Variants in RABGAP1L observed in about 807,000 individuals in gnomAD.
RABGAP1L encodes the protein RAB GTPase activating protein 1 like.
RABGAP1L carries 63 observed loss-of-function variants against 137.7 expected under a neutral mutation model. The ratio of observed to expected loss-of-function variants is 0.46; its 90% confidence interval spans 0.37 to 0.56. The LOEUF (loss-of-function observed/expected upper bound fraction) is 0.56, where lower values mean the gene tolerates loss of function less well. RABGAP1L is among the 20% of genes least tolerant of loss of function. The pLI is 0.00. For synonymous variants in RABGAP1L, 431 were observed against 433.7 expected (o/e 0.99, Z 0.08); for missense variants, 1,095 against 1,244.0 (o/e 0.88, Z 1.80).
chr1:174,285,355 C>T (rs1288015328), intron 10 of RABGAP1L, among the ~76,000 whole-genome samples: 1 of 152,102 alleles, frequency 6.6e-6, no homozygotes, highest in East Asian at 1.9e-4. Flanking sequence ...CTTTCACTGC[C>T]TTGGTTAAAT....
chr1:174,489,985 T>C (rs1377842475), intron 13 of RABGAP1L, among the ~76,000 whole-genome samples: 1 of 152,124 alleles, frequency 6.6e-6, no homozygotes, highest in Non-Finnish European at 1.5e-5. Flanking sequence ...GAATTCCTTC[T>C]CTGAGTTATC....
intron 11 of RABGAP1L, among the ~76,000 whole-genome samples, chr1:174,363,444 A>G (rs2148971257): frequency 6.6e-6 from 1 of 151,968 alleles, no homozygotes; most frequent in African/African-American, 2.4e-5. Context: ...TTGTTTTTTC[A>G]TCTCTGATTT....
At chr1:174,264,095 T>C (rs1248907110) in intron 7 of RABGAP1L, among the ~76,000 whole-genome samples, 1 of 152,024 alleles carries the variant, frequency 6.6e-6, no homozygotes, top group African/African-American at 2.4e-5. Flanking sequence ...CTTTAAGCAA[T>C]TAATTAAAAG....
At chr1:174,565,686 G>C (rs1422853407) in intron 13 of RABGAP1L, among the ~76,000 whole-genome samples, 1 of 152,122 alleles carries the variant, frequency 6.6e-6, no homozygotes, top group Non-Finnish European at 1.5e-5. Flanking sequence ...ACAAAGTTGT[G>C]CTGGTTTGTA....
intron 11 of RABGAP1L, among the ~76,000 whole-genome samples, chr1:174,346,896 C>G (rs1462877252): frequency 6.6e-6 from 1 of 151,822 alleles, no homozygotes; most frequent in Non-Finnish European, 1.5e-5. Context: ...TTTGCTGTAT[C>G]CCATAGGTTT....
Position 174,505,718 on chromosome 1 carries a change from A to G in RABGAP1L, c.1710+111573A>G, listed in dbSNP as rs541958008. On this transcript the variant is annotated intron_variant, in intron 13 of 25. Coordinates refer to ENST00000681986, the MANE Select transcript of RABGAP1L (RefSeq NM_001366446.1). ...GTTGGTGGGAATATAAATTGGTACA[A>G]CCATTATGGAAAACAGCATGGATGT... Among the ~76,000 whole-genome samples the G allele has an allele frequency of 3.3e-5, 5 of 152,258 alleles. No homozygotes were observed. In the East Asian group the frequency reaches 9.6e-4, roughly 29 times the overall value.
At chr1:174,859,859 A>T (rs907301921) in intron 19 of RABGAP1L, among the ~76,000 whole-genome samples, 1 of 151,822 alleles carries the variant, frequency 6.6e-6, no homozygotes, top group Non-Finnish European at 1.5e-5. Flanking sequence ...TTAAAAAAAA[A>T]TTAGAAATAA....
intron 1 of RABGAP1L, among the ~76,000 whole-genome samples, chr1:174,201,315 G>C (rs1332352398): frequency 6.7e-6 from 1 of 148,514 alleles, no homozygotes; most frequent in Non-Finnish European, 1.5e-5. Flanking sequence ...TCCTGCCTCA[G>C]CCTCCCGAGT....
intron 13 of RABGAP1L, 131 bp from the exon 14 acceptor site, chr1:174,637,244 A>T (rs1292481403): frequency 3.2e-6 from 2 of 632,262 alleles, no homozygotes; most frequent in Admixed American, 2.9e-5. Flanking sequence ...TGGGTCTGGG[A>T]TAGAAGGGAA....
At chr1:174,928,037 A>G (rs1182865813) in intron 19 of RABGAP1L, among the ~76,000 whole-genome samples, 1 of 152,184 alleles carries the variant, frequency 6.6e-6, no homozygotes, top group African/African-American at 2.4e-5. Flanking sequence ...AGCCTTCACA[A>G]ATTTGAACTC....
chr1:174,875,724 C>T (rs1652980329), intron 19 of RABGAP1L: 1 of 978,692 alleles, frequency 1.0e-6, no homozygotes. Flanking sequence ...GTATGAACTG[C>T]CTGGACACCT....
chr1:174,760,254 G>A (rs1238010948), intron 18 of RABGAP1L, among the ~76,000 whole-genome samples: 1 of 152,034 alleles, frequency 6.6e-6, no homozygotes, highest in Non-Finnish European at 1.5e-5. Flanking sequence ...TGTGTCATGG[G>A]GGTTTGGTAT....
At chr1:174,635,091 A>G (rs565866872) in intron 13 of RABGAP1L, among the ~76,000 whole-genome samples, 2 of 151,878 alleles carry the variant, frequency 1.3e-5, no homozygotes, top group Non-Finnish European at 2.9e-5. Context: ...GAAAAAAATT[A>G]CTCAGTGTTA....
intron 13 of RABGAP1L, among the ~76,000 whole-genome samples, chr1:174,451,103 T>G (rs1302514701): frequency 6.6e-6 from 1 of 152,332 alleles, no homozygotes; most frequent in East Asian, 1.9e-4. Context: ...AATCAAAATC[T>G]GATTGTTTTA....
At chr1:174,201,802 T>G (rs1266938706) in intron 1 of RABGAP1L, among the ~76,000 whole-genome samples, 1 of 56,036 alleles carries the variant, frequency 1.8e-5, no homozygotes, top group African/African-American at 7.3e-5. Flanking sequence ...CCCTCCCCCC[T>G]CCCCCCACCC....
At chr1:174,938,742 A>C (rs1665321252) in intron 19 of RABGAP1L, among the ~76,000 whole-genome samples, 2 of 152,178 alleles carry the variant, frequency 1.3e-5, no homozygotes, top group Non-Finnish European at 2.9e-5. Context: ...AAACAGCTGC[A>C]ATCTGTTAGT....
At chr1:174,348,665 C>A (rs867444054) in intron 11 of RABGAP1L, among the ~76,000 whole-genome samples, 8 of 146,852 alleles carry the variant, frequency 5.4e-5, no homozygotes, top group Middle Eastern at 6.9e-3. Context: ...TGACTCTTAA[C>A]GAGCATGCTG....
In RABGAP1L at chr1:174,534,798, A is replaced by T. The variant is rs946668575; in HGVS notation, c.1711-102577A>T. ...TCCAAAAAAAAAAAAAAAAAAAAAAAAAAAAATAATTAGAATAGTATGCCA... is the reference window on the plus strand; with the variant it reads ...TCCAAAAAAAAAAAAAAAAAAAAAATAAAAAATAATTAGAATAGTATGCCA... On this transcript the variant is annotated intron_variant, in intron 13 of 25. Transcript: ENST00000681986. Among the ~76,000 whole-genome samples, 20 of 142,776 alleles carry T rather than the reference A, an allele frequency of 1.4e-4. No homozygotes were observed. In the East Asian group the frequency reaches 3.5e-3, roughly 25 times the overall value. The allele number at this position is 142,776 out of a possible 152,430, so 93.7% of individuals were successfully genotyped here. A position where few individuals can be genotyped will look rare whatever the true frequency, so the allele number is the denominator to read the frequency against.
chr1:174,668,323 C>CT (rs1572741549), intron 14 of RABGAP1L, among the ~76,000 whole-genome samples: 1 of 151,876 alleles, frequency 6.6e-6, no homozygotes. Context: ...ATGAGGTCAA[C>CT]TTTTTTTTAG....
Sources: allele counts gnomAD v4.1 joint callset (sites outside exome capture counted in the v4.1 genomes callset), GRCh38; gene constraint gnomAD v4.1.1; transcripts MANE v1.5; gene names NCBI Gene and HGNC (gene_info 2026-07-23, HGNC 2026-07-21).